Variants in NAV2 observed in about 807,000 individuals in gnomAD.
NAV2 encodes neuron navigator 2.
Under a neutral mutation model 223.2 loss-of-function variants are expected in NAV2, and 54 were observed. The ratio of observed to expected loss-of-function variants is 0.24; its 90% CI spans 0.19 to 0.30. The LOEUF is 0.30. NAV2 is among the 10% of genes least tolerant of loss of function. The pLI, the probability that NAV2 is intolerant of heterozygous loss-of-function variation, is 1.00. For synonymous variants in NAV2, 1,279 were observed against 1,239.3 expected, an observed-to-expected ratio of 1.03 and a Z score of -0.67; for missense variants, 2,806 against 3,147.5, an observed-to-expected ratio of 0.89 and a Z score of 2.60.
At chr11:19,556,335 GA>G (rs2044890141) in intron 1 of NAV2, among the ~76,000 whole-genome samples, 1 of 152,232 alleles carries the variant, frequency 6.6e-6, no homozygotes, top group Admixed American at 6.5e-5. Context: ...GAAGCAATGT[GA>G]AAACATGTTT....
intron 1 of NAV2, among the ~76,000 whole-genome samples, chr11:19,353,320 G>A (rs1853432701): frequency 1.3e-5 from 2 of 152,254 alleles, no homozygotes; most frequent in Non-Finnish European, 2.9e-5. Context: ...CACTTCTCAT[G>A]CACCTGGTTG....
intron 1 of NAV2, among the ~76,000 whole-genome samples, chr11:19,620,240 T>C (rs1395137915): frequency 1.3e-5 from 2 of 152,092 alleles, no homozygotes; most frequent in African/African-American, 4.8e-5. Context: ...CTTGGCAATG[T>C]GGGCTCTTTT....
chr11:20,103,608 C>T, intron 33 of NAV2, 45 bp from the exon 34 acceptor site: 1 of 1,600,314 alleles, frequency 6.2e-7, no homozygotes. Context: ...TGTTCTCTAG[C>T]TTGGCTTGGA....
intron 1 of NAV2, among the ~76,000 whole-genome samples, chr11:19,661,644 T>C (rs574425477): frequency 1.3e-5 from 2 of 152,206 alleles, no homozygotes; most frequent in Non-Finnish European, 2.9e-5. Flanking sequence ...GTATCCTTAA[T>C]GTGTGAAGGA....
chr11:19,590,626 A>G (rs1412334680), intron 1 of NAV2, among the ~76,000 whole-genome samples: 1 of 152,180 alleles, frequency 6.6e-6, no homozygotes, highest in Non-Finnish European at 1.5e-5. Flanking sequence ...AAAAGCATCA[A>G]CTGAGCCAGG....
intron 1 of NAV2, among the ~76,000 whole-genome samples, chr11:19,365,267 T>C (rs16936608): frequency 0.016 from 2,482 of 152,342 alleles, 69 homozygotes; most frequent in African/African-American, 0.056. Flanking sequence ...CTCACATTTC[T>C]ATCCATTTGA....
At chr11:19,847,248 G>A (rs1400183216) in intron 3 of NAV2, among the ~76,000 whole-genome samples, 1 of 152,224 alleles carries the variant, frequency 6.6e-6, no homozygotes, top group Non-Finnish European at 1.5e-5. Context: ...CCTGGGAATA[G>A]CCAGTGGCAG....
At chr11:19,973,765 C>T (rs912559643) in intron 10 of NAV2, among the ~76,000 whole-genome samples, 1 of 152,170 alleles carries the variant, frequency 6.6e-6, no homozygotes, top group East Asian at 1.9e-4. Flanking sequence ...CTGTTGACAA[C>T]GTAGAAGGCT....
At chr11:19,629,390 C>A (rs1168588804) in intron 1 of NAV2, among the ~76,000 whole-genome samples, 1 of 152,132 alleles carries the variant, frequency 6.6e-6, no homozygotes, top group Non-Finnish European at 1.5e-5. Flanking sequence ...AAGAAAAACT[C>A]TCTGGAAAGG....
intron 1 of NAV2, among the ~76,000 whole-genome samples, chr11:19,392,835 G>A (rs1849301923): frequency 6.6e-6 from 1 of 152,166 alleles, no homozygotes; most frequent in South Asian, 2.1e-4. Flanking sequence ...CATAGTGCTG[G>A]GCACACAGTT....
chr11:19,978,100 C>T (rs1237953913), intron 10 of NAV2, among the ~76,000 whole-genome samples: 3 of 151,920 alleles, frequency 2.0e-5, no homozygotes, highest in African/African-American at 2.4e-5. Flanking sequence ...GCTGGGACTA[C>T]AGGCGTGAGC....
chr11:19,750,828 T>C (rs1016881272), intron 1 of NAV2, among the ~76,000 whole-genome samples: 3 of 152,244 alleles, frequency 2.0e-5, no homozygotes, highest in African/African-American at 4.8e-5. Context: ...AGGATCCTTA[T>C]TGAGTCGGCA....
intron 1 of NAV2, among the ~76,000 whole-genome samples, chr11:19,391,513 G>A (rs1327195385): frequency 6.6e-6 from 1 of 152,186 alleles, no homozygotes; most frequent in African/African-American, 2.4e-5. Flanking sequence ...TGAGAATAAT[G>A]TCCCCTTACA....
At position 20,072,500 on chromosome 11, in the gene NAV2, C is replaced by T. The variant is rs186685202; in HGVS notation, c.4983+4102C>T. 8.1e-3 allele frequency among the ~76,000 whole-genome samples: 1,237 copies of T among 152,274 alleles called. 15 individuals are homozygous for T. Among genetic ancestry groups the T allele is most frequent in the African/African-American group, 0.028 (1,179 of 41,534 alleles). Reference sequence around the variant, plus strand: ...GTCATTGGTAGCTTGATGGGGATAGCATTGAATCTATAAATTACTTTGGGC... The same window carrying T: ...GTCATTGGTAGCTTGATGGGGATAGTATTGAATCTATAAATTACTTTGGGC... On this transcript the variant is annotated intron_variant, in intron 22 of 37. Transcript: ENST00000349880.
chr11:19,762,148 C>T (rs1183531565), intron 1 of NAV2, among the ~76,000 whole-genome samples: 2 of 152,172 alleles, frequency 1.3e-5, no homozygotes, highest in African/African-American at 2.4e-5. Context: ...GAGGCTGAGG[C>T]AGGAGAATCA....
Position 20,107,822 on chromosome 11 carries a change from G to A in NAV2, c.6960+40G>A, listed in dbSNP as rs576630214. On this transcript the variant is annotated intron_variant, in intron 36 of 37. Coordinates refer to ENST00000349880, the MANE Select transcript of NAV2 (RefSeq NM_145117.5). ...CTGCTGGCTTCCTTGAAGCTGAGGGGGACTGTTCTGGTGACCAGATGAGTT... is the reference window on the plus strand; with the variant it reads ...CTGCTGGCTTCCTTGAAGCTGAGGGAGACTGTTCTGGTGACCAGATGAGTT... The A allele has an allele frequency of 1.0e-5, 14 of 1,362,456 alleles. No individual in the cohort carries two copies. In the South Asian group the frequency reaches 1.5e-4, roughly 15 times the overall value. The allele number at this position is 1,362,456 out of a possible 1,614,324, so 84.4% of individuals were successfully genotyped here. A position where few individuals can be genotyped will look rare whatever the true frequency, so the allele number is the denominator to read the frequency against.
At chr11:20,064,548 A>G (rs1256820116) in intron 20 of NAV2, among the ~76,000 whole-genome samples, 1 of 152,168 alleles carries the variant, frequency 6.6e-6, no homozygotes, top group Non-Finnish European at 1.5e-5. Context: ...GGAGGGAAAG[A>G]GCTTAAGCTT....
At chr11:19,897,415 C>T (rs988576747) in intron 6 of NAV2, among the ~76,000 whole-genome samples, 1 of 151,958 alleles carries the variant, frequency 6.6e-6, no homozygotes, top group Non-Finnish European at 1.5e-5. Flanking sequence ...TTGTAACAGG[C>T]AACTTTTCAA....
intron 1 of NAV2, among the ~76,000 whole-genome samples, chr11:19,472,734 G>C (rs1233072471): frequency 6.6e-6 from 1 of 152,150 alleles, no homozygotes; most frequent in Non-Finnish European, 1.5e-5. Flanking sequence ...TTGTTTCCTG[G>C]TTGATTTAGG....
Sources: allele counts gnomAD v4.1 joint callset (sites outside exome capture counted in the v4.1 genomes callset), GRCh38; gene constraint gnomAD v4.1.1; transcripts MANE v1.5; gene names NCBI Gene and HGNC (gene_info 2026-07-23, HGNC 2026-07-21).